TMEM192: variants seen among roughly 807,000 people sequenced by gnomAD.
TMEM192 encodes the protein transmembrane protein 192.
TMEM192 carries 20 observed loss-of-function variants against 26.7 expected under a neutral mutation model. The ratio of observed to expected loss-of-function variants is 0.75; its 90% CI spans 0.53 to 1.09. TMEM192 has a LOEUF of 1.09. Ranked by LOEUF, TMEM192 falls within the 50% of genes least tolerant of loss-of-function variation. The pLI, the probability that TMEM192 is intolerant of heterozygous loss-of-function variation, is 0.00. For synonymous variants in TMEM192, 124 were observed against 121.0 expected (o/e 1.02, Z -0.16); for missense variants, 304 against 322.6 (o/e 0.94, Z 0.44).
intron 3 of TMEM192, among the ~76,000 whole-genome samples, chr4:165,092,112 C>CTTT (rs35641833): frequency 0.015 from 1,101 of 72,060 alleles, 295 homozygotes; most frequent in Middle Eastern, 0.062. Flanking sequence ...TAATGCTGTT[C>CTTT]TTTTTTTTTT....
intron 5 of TMEM192, among the ~76,000 whole-genome samples, chr4:165,082,789 G>A (rs1734537893): frequency 5.2e-5 from 2 of 38,206 alleles, no homozygotes; most frequent in Non-Finnish European, 9.8e-5. Context: ...AGGCTGGAGT[G>A]CAATGGCGTG....
intron 1 of TMEM192, among the ~76,000 whole-genome samples, chr4:165,104,087 C>T (rs1376268302): frequency 6.6e-6 from 1 of 152,208 alleles, no homozygotes; most frequent in African/African-American, 2.4e-5. Flanking sequence ...TGCGCCACTG[C>T]ACTCCAGCCT....
intron 3 of TMEM192, among the ~76,000 whole-genome samples, chr4:165,097,282 CAGG>C (rs1412829557): frequency 6.6e-6 from 1 of 152,030 alleles, no homozygotes; most frequent in Admixed American, 6.6e-5. Context: ...ATCACAAGGT[CAGG>C]AGATCGAGAC....
Position 165,085,654 on chromosome 4 carries a change from C to T in TMEM192, c.609G>A (p.Glu203=). 2 of 1,611,904 alleles carry T rather than the reference C, an allele frequency of 1.2e-6. No homozygotes were observed. The highest frequency in any genetic ancestry group is 2.2e-5 in the East Asian group (1 of 44,784). The part of the protein sequence containing the change: ...KIRRFNKAKP[E]PDILEEEKIY... ...TTTTTTCTTCTTCAAGTATATCAGG[C>T]TCTGGTTTAGCTTTATTAAATCTCC... The change falls in exon 5 of 6, where the codon GAG becomes GAA. Residue 203 remains glutamate (E), a synonymous_variant. Transcript: ENST00000306480.
rs903569863 is a variant in TMEM192 at position 165,077,932 on chromosome 4, T to A, written c.*1726A>T. On this transcript the variant is annotated 3_prime_UTR_variant, in exon 6 of 6. Transcript: ENST00000306480. ...TGTTGTGTGCAGGTGACACACGATCTTTTTTTTTTTTTTTTGAGAGACAGT... is the reference window on the plus strand; with the variant it reads ...TGTTGTGTGCAGGTGACACACGATCATTTTTTTTTTTTTTTGAGAGACAGT... 7.1e-6 allele frequency: 1 copy of A among 140,004 alleles called. No individual in the cohort carries two copies. The highest frequency in any genetic ancestry group is 1.6e-5 in the Non-Finnish European group (1 of 63,966). 8.7% of individuals were successfully genotyped at this position (140,004 alleles called of 1,614,324 possible).
rs563076438 is a variant in TMEM192 at position 165,111,258 on chromosome 4, T to A, written c.27+1489A>T. 3.3e-5 allele frequency among the ~76,000 whole-genome samples: 5 copies of A among 152,164 alleles called. No homozygotes were observed. The East Asian group carries it at 5.8e-4, about 18-fold the overall frequency. On this transcript the variant is annotated intron_variant, in intron 1 of 5. Coordinates refer to ENST00000306480, the MANE Select transcript of TMEM192 (RefSeq NM_001100389.2). The stretch of plus-strand genomic sequence containing the variant: ...ACAGGCCCCCACCACCCCACCTGGC[T>A]AATTTTTGTATTTTTAGTGGAGACG...
At chr4:165,096,961 CTTTTTT>C (rs58895775) in intron 3 of TMEM192, among the ~76,000 whole-genome samples, 1 of 149,954 alleles carries the variant, frequency 6.7e-6, no homozygotes, top group African/African-American at 2.4e-5. Flanking sequence ...TAAGTTTTTT[CTTTTTT>C]TTTAATCTTT....
At position 165,078,408 on chromosome 4, in the gene TMEM192, T is replaced by C. The variant is rs949226285; in HGVS notation, c.*1250A>G. 6.6e-6 allele frequency: 1 copy of C among 152,246 alleles called. No homozygotes were observed. The highest frequency in any genetic ancestry group is 6.5e-5 in the Admixed American group (1 of 15,272). 9.4% of individuals were successfully genotyped at this position (152,246 alleles called of 1,614,324 possible). ...AATGGAGAAATAATGCCATTTGCTCTGAAAAATACTTCAGTTTTATCTTCA... is the reference window on the plus strand; with the variant it reads ...AATGGAGAAATAATGCCATTTGCTCCGAAAAATACTTCAGTTTTATCTTCA... On this transcript the variant is annotated 3_prime_UTR_variant, in exon 6 of 6. Coordinates refer to ENST00000306480, the MANE Select transcript of TMEM192 (RefSeq NM_001100389.2).
Position 165,073,583 on chromosome 4 carries a change from G to A in TMEM192, c.*6075C>T, listed in dbSNP as rs1734312840. ...TGTGCTGAGGAGGAGTAGTGAAAGA[G>A]GGAGGCCTCTTTGCAGTTGAGATAA... is the stretch of plus-strand genomic sequence containing the variant. On this transcript the variant is annotated 3_prime_UTR_variant, in exon 6 of 6. Transcript: ENST00000306480. 1 of 152,004 alleles carries A rather than the reference G, an allele frequency of 6.6e-6. No individual in the cohort carries two copies. The highest frequency in any genetic ancestry group is 1.5e-5 in the Non-Finnish European group (1 of 68,026). 9.4% of individuals were successfully genotyped at this position (152,004 alleles called of 1,614,324 possible).
chr4:165,101,799 A>G (rs1376232474), intron 2 of TMEM192, among the ~76,000 whole-genome samples: 1 of 152,156 alleles, frequency 6.6e-6, no homozygotes, highest in Non-Finnish European at 1.5e-5. Flanking sequence ...TTCTGAACTC[A>G]AGTCTCCCAC....
intron 1 of TMEM192, among the ~76,000 whole-genome samples, chr4:165,104,920 C>A (rs945906573): frequency 6.6e-6 from 1 of 152,118 alleles, no homozygotes; most frequent in Non-Finnish European, 1.5e-5. Context: ...CTTCAAGACC[C>A]CTCTGCCTCT....
chr4:165,092,870 C>CT (rs1734798333), intron 3 of TMEM192, among the ~76,000 whole-genome samples: 1 of 151,476 alleles, frequency 6.6e-6, no homozygotes, highest in South Asian at 2.1e-4. Flanking sequence ...GCACTCCAGC[C>CT]TAGGCAACAG....
At chr4:165,088,379 T>C in intron 4 of TMEM192, 89 bp downstream of exon 4, 1 of 1,365,094 alleles carries the variant, frequency 7.3e-7, no homozygotes, top group East Asian at 2.4e-5. Context: ...CACAGAGAAC[T>C]TCCTTGTCGC....
chr4:165,071,081 A>G lies in TMEM192; in HGVS notation c.*8577T>C, dbSNP rs1734265561. 6.6e-6 allele frequency: 1 copy of G among 152,218 alleles called. No individual in the cohort carries two copies. Among genetic ancestry groups the G allele is most frequent in the African/African-American group, 2.4e-5 (1 of 41,466 alleles). 9.4% of individuals were successfully genotyped at this position (152,218 alleles called of 1,614,324 possible). A position where few individuals can be genotyped will look rare whatever the true frequency, so the allele number is the denominator to read the frequency against. ...AAGACCTCAGGTGATGCCTGGAGCC[A>G]CAGATAGTACTAAACCCTACGAACA... On this transcript the variant is annotated 3_prime_UTR_variant, in exon 6 of 6. Coordinates refer to ENST00000306480, the MANE Select transcript of TMEM192 (RefSeq NM_001100389.2).
intron 3 of TMEM192, among the ~76,000 whole-genome samples, chr4:165,100,393 C>T (rs1408036198): frequency 6.6e-6 from 1 of 152,008 alleles, no homozygotes; most frequent in African/African-American, 2.4e-5. Flanking sequence ...CTCCTGACCT[C>T]GTGATCTGCC....
intron 1 of TMEM192, among the ~76,000 whole-genome samples, chr4:165,105,450 G>A (rs1735141366): frequency 6.6e-6 from 1 of 152,212 alleles, no homozygotes; most frequent in East Asian, 1.9e-4. Flanking sequence ...CCGCTTTCTA[G>A]CTGAGAGCAA....
chr4:165,111,643 A>C (rs1261686706), intron 1 of TMEM192: 2 of 152,224 alleles, frequency 1.3e-5, no homozygotes, highest in Non-Finnish European at 2.9e-5. Context: ...TCTCAAATCT[A>C]CTTACAGGTC....
At position 165,079,803 on chromosome 4, in the gene TMEM192, G is replaced by A. The variant is rs2111258783; in HGVS notation, c.678-7C>T. The A allele has an allele frequency of 6.2e-7, 1 of 1,612,912 alleles. No individual in the cohort carries two copies. The highest frequency in any genetic ancestry group is 8.5e-7 in the Non-Finnish European group (1 of 1,179,446). The stretch of plus-strand genomic sequence containing the variant: ...TTCTAGGCTTGAAATAGTTCTGCAA[G>A]TAATCAAGATATAAATGGGTTACAC... On this transcript the variant is annotated splice_polypyrimidine_tract_variant and splice_region_variant and intron_variant, in intron 5 of 5. Coordinates refer to ENST00000306480, the MANE Select transcript of TMEM192 (RefSeq NM_001100389.2).
chr4:165,102,856 T>C, intron 2 of TMEM192, 94 bp downstream of exon 2: 1 of 1,163,254 alleles, frequency 8.6e-7, no homozygotes, highest in South Asian at 2.5e-5. Flanking sequence ...ACATTTTAAA[T>C]GTTGATAGAT....
Sources: gnomAD v4.1 joint callset for allele counts (sites outside exome capture counted in the v4.1 genomes callset) on GRCh38, gnomAD v4.1.1 for gene constraint, MANE v1.5 for transcripts, NCBI Gene and HGNC (gene_info 2026-07-23, HGNC 2026-07-21) for gene names.